Variants in SPINT1 observed in about 807,000 individuals in gnomAD.
The protein encoded by SPINT1 is serine peptidase inhibitor, Kunitz type 1.
Under a neutral mutation model 53.7 loss-of-function variants are expected in SPINT1, and 38 were observed. The ratio of observed to expected loss-of-function variants is 0.71; its 90% CI spans 0.55 to 0.93. The LOEUF (loss-of-function observed/expected upper bound fraction) is 0.93. SPINT1 is among the 40% of genes least tolerant of loss of function. SPINT1 has a pLI of 0.00. For synonymous variants in SPINT1, 283 were observed against 280.6 expected, an observed-to-expected ratio of 1.01 and a Z score of -0.08; for missense variants, 645 against 692.9, an observed-to-expected ratio of 0.93 and a Z score of 0.78.
rs1195343201 is a variant in SPINT1 at position 40,857,526 on chromosome 15, C to CGGCT, written c.*551_*552insGGCT. 6.5e-6 allele frequency: 1 copy of CGGCT among 152,948 alleles called. No individual in the cohort carries two copies. The highest frequency in any genetic ancestry group is 1.5e-5 in the Non-Finnish European group (1 of 68,542). The allele number at this position is 152,948 out of a possible 1,614,324, so 9.5% of individuals were successfully genotyped here. A position where few individuals can be genotyped will look rare whatever the true frequency, so the allele number is the denominator to read the frequency against. On this transcript the variant is annotated 3_prime_UTR_variant, in exon 11 of 11. Transcript: ENST00000562057. ...CAAGATTGAGCTCTCTGCCCTTGAT[C>CGGCT]AGCCCCACCCTGGCCTAGACCAGCA...
chr15:40,853,656 G>A, intron 4 of SPINT1, 29 bp downstream of exon 4: 1 of 1,613,942 alleles, frequency 6.2e-7, no homozygotes. Context: ...GCAGCACCTG[G>A]AGCCCCCGCT....
chr15:40,856,371 C>T (rs777568295), intron 10 of SPINT1, 48 bp downstream of exon 10: 2 of 1,609,008 alleles, frequency 1.2e-6, no homozygotes, highest in East Asian at 2.2e-5. Flanking sequence ...TAGGTATCAA[C>T]TCACGGATCA....
Position 40,853,157 on chromosome 15 carries a change from A to G in SPINT1, c.509A>G (p.Asp170Gly), listed in dbSNP as rs978576098. The change falls in exon 3 of 11, where the codon GAC becomes GGC. Residue 170 changes from aspartate (D) to glycine (G), a missense_variant. Asp to Gly is a moderately conservative substitution (Grantham distance 94, BLOSUM62 -1). Transcript: ENST00000562057. ...ATCCCCAAGGCCTGGGCAGGCATAG[A>G]CTTGAAGGTACAACCCCAGGAACCC... ...SGIPKAWAGI[D>G]LKVQPQEPLV... is the part of the protein sequence containing the mutation. 3.1e-6 allele frequency: 5 copies of G among 1,613,958 alleles called. No homozygotes were observed. In the Middle Eastern group the frequency reaches 4.9e-4, roughly 159 times the overall value.
rs1891673664 is a variant in SPINT1 at position 40,857,172 on chromosome 15, A to C, written c.*197A>C. The C allele has an allele frequency of 1.4e-6, 1 of 732,932 alleles. No individual in the cohort carries two copies. Among genetic ancestry groups the C allele is most frequent in the Non-Finnish European group, 2.2e-6 (1 of 461,348 alleles). 45.4% of individuals were successfully genotyped at this position (732,932 alleles called of 1,614,324 possible). A position where few individuals can be genotyped will look rare whatever the true frequency, so the allele number is the denominator to read the frequency against. ...GAAAGCTCAAAGGTTTGGAAGGAGC[A>C]GAAAACCCTTGGGCCAGAAGTACCA... is the stretch of plus-strand genomic sequence containing the variant. On this transcript the variant is annotated 3_prime_UTR_variant, in exon 11 of 11. Transcript: ENST00000562057.
chr15:40,856,094 TG>T, intron 9 of SPINT1, 32 bp downstream of exon 9: 1 of 1,611,926 alleles, frequency 6.2e-7, no homozygotes, highest in South Asian at 1.1e-5. Flanking sequence ...TGGGCATGTA[TG>T]GGGGAAGGCT....
At chr15:40,854,109 TC>T in intron 6 of SPINT1, 23 bp downstream of exon 6, 1 of 1,524,628 alleles carries the variant, frequency 6.6e-7, no homozygotes, top group Non-Finnish European at 8.8e-7. Flanking sequence ...CCCCTCCCCA[TC>T]CCCCATCCCC....
intron 2 of SPINT1, among the ~76,000 whole-genome samples, chr15:40,848,021 C>T (rs376091196): frequency 6.6e-5 from 10 of 152,304 alleles, no homozygotes; most frequent in African/African-American, 1.7e-4. Flanking sequence ...AGCCACTTTT[C>T]GTTCCTGCTC....
Position 40,853,113 on chromosome 15 carries a change from C to T in SPINT1, c.476-11C>T, listed in dbSNP as rs1399744667. 1.2e-6 allele frequency: 2 copies of T among 1,612,494 alleles called. No individual in the cohort carries two copies. The highest frequency in any genetic ancestry group is 1.3e-5 in the African/African-American group (1 of 74,980). ...GAGAATTGACCTTATCTCACTTTCT[C>T]TCCCCGCCAGGGTCTGGGATCCCCA... On this transcript the variant is annotated splice_polypyrimidine_tract_variant and intron_variant, in intron 2 of 10. Coordinates refer to ENST00000562057, the MANE Select transcript of SPINT1 (RefSeq NM_003710.4).
At chr15:40,855,274 A>G (rs186856875) in intron 8 of SPINT1, among the ~76,000 whole-genome samples, 1 of 152,330 alleles carries the variant, frequency 6.6e-6, no homozygotes, top group Admixed American at 6.5e-5. Flanking sequence ...CCAGCTACTC[A>G]GAAGGCTGAG....
chr15:40,855,918 G>GGACT lies in SPINT1; in HGVS notation c.1145_1148dup (p.Cys384ThrfsTer34). 1 of 1,614,182 alleles carries GGACT rather than the reference G, an allele frequency of 6.2e-7. No homozygotes were observed. Among genetic ancestry groups the GGACT allele is most frequent in the Non-Finnish European group, 8.5e-7 (1 of 1,180,010 alleles). ...GCACTGCGTGGACCTGCCAGACACA[G>GGACT]GACTCTGCAAGGAGAGCATCCCGCG... On this transcript the variant is annotated frameshift_variant, in exon 9 of 11. Coordinates refer to ENST00000562057, the MANE Select transcript of SPINT1 (RefSeq NM_003710.4). LOFTEE classifies it high-confidence loss of function.
Position 40,853,256 on chromosome 15 carries a change from G to A in SPINT1, c.603+5G>A. 6.2e-7 allele frequency: 1 copy of A among 1,614,138 alleles called. No homozygotes were observed. Among genetic ancestry groups the A allele is most frequent in the Non-Finnish European group, 8.5e-7 (1 of 1,179,996 alleles). ...GACACGGATGTCAGGGTAGAGGTGA[G>A]ACACTGGGCTGACTCTGACCCCGCC... On this transcript the variant is annotated splice_donor_5th_base_variant and intron_variant, in intron 3 of 10. Transcript: ENST00000562057.
At chr15:40,847,985 C>G (rs979178573) in intron 2 of SPINT1, among the ~76,000 whole-genome samples, 1 of 152,152 alleles carries the variant, frequency 6.6e-6, no homozygotes, top group Non-Finnish European at 1.5e-5. Context: ...CAGCCAAGCC[C>G]CTGGGCTGGG....
chr15:40,855,620 A>G (rs905847675), intron 8 of SPINT1, among the ~76,000 whole-genome samples: 1 of 152,246 alleles, frequency 6.6e-6, no homozygotes, highest in African/African-American at 2.4e-5. Context: ...CCAGTGTTGG[A>G]AAACTGAGAC....
intron 2 of SPINT1, 126 bp downstream of exon 2, chr15:40,845,155 CTT>C: frequency 1.2e-6 from 1 of 802,864 alleles, no homozygotes; most frequent in Non-Finnish European, 1.8e-6. Context: ...CTTTTTCTTT[CTT>C]TTTTTTTGCG....
In SPINT1 at chr15:40,844,159, C is replaced by T. The variant is rs1328180513; in HGVS notation, c.-93C>T. 3 of 433,202 alleles carry T rather than the reference C, an allele frequency of 6.9e-6. No homozygotes were observed. The highest frequency in any genetic ancestry group is 9.0e-6 in the Non-Finnish European group (2 of 222,124). The allele number at this position is 433,202 out of a possible 1,614,324, so 26.8% of individuals were successfully genotyped here. On this transcript the variant is annotated 5_prime_UTR_variant, in exon 1 of 11. Coordinates refer to ENST00000562057, the MANE Select transcript of SPINT1 (RefSeq NM_003710.4). The surrounding 1 kb of genome is among the most constrained non-coding windows in gnomAD (Gnocchi z 5.8). ...AAGCTGGGACCGGAACCTCGGCGGA[C>T]CCGGCCCCACCCAACTCACCTGCGC...
chr15:40,847,377 G>A lies in SPINT1; in HGVS notation c.475+2348G>A, dbSNP rs191529857. 1.7e-3 allele frequency among the ~76,000 whole-genome samples: 252 copies of A among 152,320 alleles called. 1 individual carries two copies. Among genetic ancestry groups the A allele is most frequent in the African/African-American group, 5.6e-3 (232 of 41,560 alleles). ...AGGTGGGTTGGGTGACGTGGGTCAC[G>A]GGCACTGAGAGCTTCCAAACCTTTG... On this transcript the variant is annotated intron_variant, in intron 2 of 10. Transcript: ENST00000562057.
In SPINT1 at chr15:40,844,597, G is replaced by C; in HGVS notation, c.43G>C (p.Ala15Pro). 6.2e-7 allele frequency: 1 copy of C among 1,609,842 alleles called. No homozygotes were observed. Among genetic ancestry groups the C allele is most frequent in the Non-Finnish European group, 8.5e-7 (1 of 1,178,826 alleles). Reference sequence around the variant, plus strand: ...GATGGCCCGCGCCCGCCTCGCCCCGGCCGGCATCCCTGCCGTCGCCTTGTG... The same window carrying C: ...GATGGCCCGCGCCCGCCTCGCCCCGCCCGGCATCCCTGCCGTCGCCTTGTG... ...RTMARARLAPAGIPAVALWLL... is the reference protein window; with the variant it reads ...RTMARARLAPPGIPAVALWLL... The change falls in exon 2 of 11, where the codon GCC becomes CCC. Residue 15 changes from alanine to proline, a missense_variant. Coordinates refer to ENST00000562057, the MANE Select transcript of SPINT1 (RefSeq NM_003710.4). The surrounding 1 kb of genome is among the most constrained non-coding windows in gnomAD (Gnocchi z 5.8).
intron 10 of SPINT1, among the ~76,000 whole-genome samples, chr15:40,856,549 C>T (rs914788216): frequency 2.0e-5 from 3 of 152,182 alleles, no homozygotes; most frequent in Non-Finnish European, 4.4e-5. Flanking sequence ...CCCAAGTTAA[C>T]TGCAAGGAGA....
In SPINT1 at chr15:40,856,236, C is replaced by A. The variant is rs202026481; in HGVS notation, c.1289-40C>A. On this transcript the variant is annotated intron_variant, in intron 9 of 10. Coordinates refer to ENST00000562057, the MANE Select transcript of SPINT1 (RefSeq NM_003710.4). ...ACTGGGGAGCAGCTGAGTCTCTGAG[C>A]CCTCAGTACTGACTGGTCTTTCCCC... 1.6e-3 allele frequency: 2,639 copies of A among 1,612,822 alleles called. 48 individuals carry two copies. The South Asian group carries it at 0.024, about 15-fold the overall frequency.
Sources: gnomAD v4.1 joint callset for allele counts (sites outside exome capture counted in the v4.1 genomes callset) on GRCh38, gnomAD v4.1.1 for gene constraint, Gnocchi (gnomAD v3.1) non-coding constraint, MANE v1.5 for transcripts, NCBI Gene and HGNC (gene_info 2026-07-23, HGNC 2026-07-21) for gene names.